ARHGAP44: variants seen among roughly 807,000 people sequenced by gnomAD.
ARHGAP44 encodes the protein rho GTPase-activating protein 44.
Under a neutral mutation model 106.8 loss-of-function variants are expected in ARHGAP44, and 43 were observed. That is an observed-to-expected ratio of 0.40 (90% CI 0.32 to 0.52). The LOEUF (loss-of-function observed/expected upper bound fraction) is 0.52. Ranked by LOEUF, ARHGAP44 falls within the 20% of genes least tolerant of loss-of-function variation. ARHGAP44 has a pLI of 0.48. For missense variants in ARHGAP44, 866 were observed against 1,050.5 expected (o/e 0.82, Z 2.43); for synonymous variants, 439 against 410.3 (o/e 1.07, Z -0.85).
At chr17:12,963,694 A>G (rs1250622304) in intron 16 of ARHGAP44, among the ~76,000 whole-genome samples, 2 of 150,132 alleles carry the variant, frequency 1.3e-5, no homozygotes, top group African/African-American at 5.0e-5. Flanking sequence ...CAGGCCGGCC[A>G]TGCACCAGTG....
intron 1 of ARHGAP44, among the ~76,000 whole-genome samples, chr17:12,869,934 C>A (rs1567659403): frequency 6.6e-6 from 1 of 151,766 alleles, no homozygotes; most frequent in African/African-American, 2.4e-5. Flanking sequence ...TTATATTTTT[C>A]CAGTCTGTGA....
chr17:12,919,192 A>T (rs1036365706), intron 5 of ARHGAP44, among the ~76,000 whole-genome samples: 14 of 152,340 alleles, frequency 9.2e-5, no homozygotes, highest in African/African-American at 3.4e-4. Context: ...TATGTTAATT[A>T]GCCTGAGTGT....
chr17:12,838,158 A>G (rs1257427919), intron 1 of ARHGAP44, among the ~76,000 whole-genome samples: 1 of 152,214 alleles, frequency 6.6e-6, no homozygotes, highest in Non-Finnish European at 1.5e-5. Context: ...CTTATTTAAG[A>G]GTAATTGCTA....
intron 4 of ARHGAP44, among the ~76,000 whole-genome samples, chr17:12,914,359 A>G (rs964458927): frequency 6.6e-6 from 1 of 152,250 alleles, no homozygotes; most frequent in Admixed American, 6.5e-5. Flanking sequence ...GAGACTGCAC[A>G]AGCATATTTA....
chr17:12,820,944 T>C (rs1396223286), intron 1 of ARHGAP44, among the ~76,000 whole-genome samples: 1 of 152,214 alleles, frequency 6.6e-6, no homozygotes, highest in Admixed American at 6.5e-5. Context: ...AGATGTCTCC[T>C]GGCTTTTTGG....
chr17:12,875,038 C>A (rs1222041465), intron 1 of ARHGAP44, among the ~76,000 whole-genome samples: 1 of 152,012 alleles, frequency 6.6e-6, no homozygotes, highest in Non-Finnish European at 1.5e-5. Context: ...AGTGGGTGAG[C>A]TCCAGGTCAG....
rs2039736120 is a variant in ARHGAP44 at position 12,978,048 on chromosome 17, A to AAAAAAG, written c.1764-2005_1764-2004insGAAAAA. On this transcript the variant is annotated intron_variant, in intron 18 of 20. Transcript: ENST00000379672. ...CAAGACTCCATCTCAAAAAAAAAAA[A>AAAAAAG]AAAAAAAAGTGTGTTTCGTGGCAGG... Among the ~76,000 whole-genome samples, 3 of 150,030 alleles carry AAAAAAG rather than the reference A, an allele frequency of 2.0e-5. No individual in the cohort carries two copies. In the South Asian group the frequency reaches 6.3e-4, roughly 32 times the overall value.
intron 1 of ARHGAP44, 54 bp from the exon 2 acceptor site, chr17:12,894,886 A>C: frequency 6.6e-7 from 1 of 1,506,258 alleles, no homozygotes; most frequent in African/African-American, 1.4e-5. Flanking sequence ...GGGAGTAATT[A>C]TGAGGCTCTG....
intron 16 of ARHGAP44, among the ~76,000 whole-genome samples, chr17:12,971,695 T>C (rs970875844): frequency 6.6e-5 from 10 of 152,048 alleles, no homozygotes; most frequent in African/African-American, 1.9e-4. Context: ...GTTTGTTTAT[T>C]GGTAGAAGGT....
At chr17:12,862,320 C>G (rs1567655004) in intron 1 of ARHGAP44, among the ~76,000 whole-genome samples, 1 of 152,148 alleles carries the variant, frequency 6.6e-6, no homozygotes, top group Non-Finnish European at 1.5e-5. Context: ...CTTAGGGCCA[C>G]TAAGGCCAAC....
At chr17:12,969,339 A>G (rs2039470491) in intron 16 of ARHGAP44, among the ~76,000 whole-genome samples, 1 of 152,204 alleles carries the variant, frequency 6.6e-6, no homozygotes, top group South Asian at 2.1e-4. Flanking sequence ...GGCACCTATA[A>G]GCACAAAGCA....
intron 1 of ARHGAP44, among the ~76,000 whole-genome samples, chr17:12,820,183 GATAGT>G (rs1451015175): frequency 6.6e-6 from 1 of 152,022 alleles, no homozygotes; most frequent in Admixed American, 6.6e-5. Context: ...CAAATCAGTT[GATAGT>G]ATAGTATATT....
intron 1 of ARHGAP44, among the ~76,000 whole-genome samples, chr17:12,848,326 T>G (rs1008395077): frequency 4.6e-5 from 7 of 152,160 alleles, no homozygotes; most frequent in Non-Finnish European, 1.0e-4. Flanking sequence ...TCCTGGGATC[T>G]CCTTTACTGC....
At chr17:12,809,178 G>A (rs1458674376) in intron 1 of ARHGAP44, among the ~76,000 whole-genome samples, 1 of 152,150 alleles carries the variant, frequency 6.6e-6, no homozygotes, top group African/African-American at 2.4e-5. Flanking sequence ...AAGTCTCTAG[G>A]AAGTTCCAAA....
chr17:12,838,945 G>A (rs1277905367), intron 1 of ARHGAP44, among the ~76,000 whole-genome samples: 2 of 152,134 alleles, frequency 1.3e-5, no homozygotes, highest in Non-Finnish European at 2.9e-5. Context: ...GACCCCAGGT[G>A]ATCTGCCCAC....
At chr17:12,802,753 C>CTTTTTTTTTT (rs869172678) in intron 1 of ARHGAP44, among the ~76,000 whole-genome samples, 82 of 108,688 alleles carry the variant, frequency 7.5e-4, no homozygotes, top group East Asian at 2.3e-3. Context: ...TTTTTTATTT[C>CTTTTTTTTTT]TTTTTTTTTT....
intron 1 of ARHGAP44, among the ~76,000 whole-genome samples, chr17:12,889,618 C>A (rs961712856): frequency 1.3e-5 from 2 of 152,168 alleles, no homozygotes; most frequent in Non-Finnish European, 2.9e-5. Flanking sequence ...CTCTGACCCC[C>A]AAAATTCATG....
intron 1 of ARHGAP44, among the ~76,000 whole-genome samples, chr17:12,841,596 A>T (rs142657700): frequency 0.19 from 22,398 of 118,852 alleles, 1,949 homozygotes; most frequent in African/African-American, 0.3. Context: ...TCTCTCTCTC[A>T]CACACACACA....
At chr17:12,979,517 T>C (rs913896519) in intron 18 of ARHGAP44, among the ~76,000 whole-genome samples, 3 of 152,002 alleles carry the variant, frequency 2.0e-5, no homozygotes, top group South Asian at 2.1e-4. Flanking sequence ...GAATGGGTAT[T>C]GAGTTTGAGG....
Sources: allele counts gnomAD v4.1 joint callset (sites outside exome capture counted in the v4.1 genomes callset), GRCh38; gene constraint gnomAD v4.1.1; transcripts MANE v1.5; gene names NCBI Gene and HGNC (gene_info 2026-07-23, HGNC 2026-07-21).